Variants in PDE8A observed in about 807,000 individuals in gnomAD.
PDE8A encodes the protein phosphodiesterase 8A, also known as high affinity cAMP-specific and IBMX-insensitive 3',5'-cyclic phosphodiesterase 8A.
Under a neutral mutation model 105.0 loss-of-function variants are expected in PDE8A, and 59 were observed. That is an observed-to-expected ratio of 0.56 (90% CI 0.46 to 0.70). The LOEUF (loss-of-function observed/expected upper bound fraction) is 0.70, where lower values mean the gene tolerates loss of function less well. PDE8A is among the 30% of genes least tolerant of loss of function. PDE8A has a pLI of 0.00. For synonymous variants in PDE8A, 355 were observed against 371.9 expected (o/e 0.95, Z 0.52); for missense variants, 1,014 against 1,045.9 (o/e 0.97, Z 0.42).
chr15:85,135,820 A>C (rs953867754), intron 20 of PDE8A, among the ~76,000 whole-genome samples: 1 of 151,892 alleles, frequency 6.6e-6, no homozygotes, highest in Admixed American at 6.6e-5. Context: ...AATCCTGAAG[A>C]TGTGGAAGAG....
At chr15:85,016,950 CTT>C (rs769768560) in intron 1 of PDE8A, among the ~76,000 whole-genome samples, 8 of 141,410 alleles carry the variant, frequency 5.7e-5, no homozygotes, top group Admixed American at 1.4e-4. Flanking sequence ...CTGAATTTCC[CTT>C]TTTTTTTTTT....
intron 1 of PDE8A, among the ~76,000 whole-genome samples, chr15:85,021,866 G>A (rs2141355414): frequency 6.6e-6 from 1 of 152,306 alleles, no homozygotes; most frequent in Admixed American, 6.5e-5. Context: ...ACCACAAAAG[G>A]GAGGTTGCGT....
chr15:85,094,603 C>A, intron 8 of PDE8A, among the ~76,000 whole-genome samples: 1 of 152,196 alleles, frequency 6.6e-6, no homozygotes, highest in East Asian at 1.9e-4. Flanking sequence ...TCTTCCAAAT[C>A]CTGCTGTCTC....
chr15:85,121,646 A>G (rs2082184514), intron 18 of PDE8A, among the ~76,000 whole-genome samples: 1 of 151,290 alleles, frequency 6.6e-6, no homozygotes, highest in African/African-American at 2.4e-5. Context: ...TAATAATAAC[A>G]TGTACAGTGG....
At position 85,126,220 on chromosome 15, in the gene PDE8A, A is replaced by G. The variant is rs1348360272; in HGVS notation, c.2099A>G (p.Asn700Ser). Residue 700 changes from asparagine (N) to serine (S), a missense_variant, in exon 20 of 22, where the codon AAC (asparagine) becomes AGC (serine). Physicochemically the swap from Asn to Ser is conservative, Grantham distance 46. Coordinates refer to ENST00000394553, the MANE Select transcript of PDE8A (RefSeq NM_002605.3). ...TLEENGETDK[N>S]QEVINTMLRT... ...CTCATGTTTCAGGAAACTGATAAAA[A>G]CCAGGAAGTGATAAACACTATGCTT... 1 of 1,604,368 alleles carries G rather than the reference A, an allele frequency of 6.2e-7. No homozygotes were observed. Among genetic ancestry groups the G allele is most frequent in the Admixed American group, 1.7e-5 (1 of 57,972 alleles).
intron 2 of PDE8A, among the ~76,000 whole-genome samples, chr15:85,065,554 T>C (rs1054010742): frequency 3.9e-5 from 6 of 152,098 alleles, no homozygotes; most frequent in Non-Finnish European, 8.8e-5. Context: ...CATGAACATG[T>C]TTCATTCACT....
intron 3 of PDE8A, among the ~76,000 whole-genome samples, chr15:85,069,472 G>A (rs189399157): frequency 6.6e-6 from 1 of 152,230 alleles, no homozygotes; most frequent in East Asian, 1.9e-4. Flanking sequence ...TCCAACACTG[G>A]AGGACAGGAA....
chr15:85,040,686 G>A (rs1190385683), intron 1 of PDE8A, among the ~76,000 whole-genome samples: 3 of 150,628 alleles, frequency 2.0e-5, no homozygotes, highest in Admixed American at 6.7e-5. Context: ...TCAGCCTCCT[G>A]AGTAGTTGGG....
Position 84,981,864 on chromosome 15 carries a change from G to A in PDE8A, c.-299G>A, listed in dbSNP as rs1226011377. 4.9e-6 allele frequency: 1 copy of A among 203,394 alleles called. No individual in the cohort carries two copies. Among genetic ancestry groups the A allele is most frequent in the East Asian group, 1.2e-4 (1 of 8,462 alleles). The allele number at this position is 203,394 out of a possible 1,614,324, so 12.6% of individuals were successfully genotyped here. A position where few individuals can be genotyped will look rare whatever the true frequency, so the allele number is the denominator to read the frequency against. Reference sequence around the variant, plus strand: ...CCTATTTCCCCGGAAGCGCGGCCGAGGCGAGCCCGGCGATGTGAGAGGCGG... The same window carrying A: ...CCTATTTCCCCGGAAGCGCGGCCGAAGCGAGCCCGGCGATGTGAGAGGCGG... On this transcript the variant is annotated 5_prime_UTR_variant, in exon 1 of 22. Coordinates refer to ENST00000394553, the MANE Select transcript of PDE8A (RefSeq NM_002605.3).
intron 12 of PDE8A, among the ~76,000 whole-genome samples, chr15:85,110,523 G>C (rs1486745322): frequency 6.6e-6 from 1 of 152,110 alleles, no homozygotes; most frequent in Non-Finnish European, 1.5e-5. Flanking sequence ...GCCTCTCCTT[G>C]TGCCTCATAG....
intron 11 of PDE8A, among the ~76,000 whole-genome samples, chr15:85,104,882 AG>A (rs2081924666): frequency 6.6e-6 from 1 of 152,172 alleles, no homozygotes; most frequent in Admixed American, 6.5e-5. Flanking sequence ...GGGAGCACTG[AG>A]GAGCAGGATG....
At chr15:85,117,366 G>A (rs1448224912) in intron 16 of PDE8A, among the ~76,000 whole-genome samples, 3 of 152,166 alleles carry the variant, frequency 2.0e-5, no homozygotes, top group Admixed American at 1.3e-4. Context: ...AGGACAGAAT[G>A]AGCAAACTCC....
Position 85,116,087 on chromosome 15 carries a change from T to C in PDE8A, c.1503T>C (p.Asp501=), listed in dbSNP as rs200205707. The change falls in exon 16 of 22, where the codon GAT becomes GAC. Residue 501 remains aspartate, a synonymous_variant. Coordinates refer to ENST00000394553, the MANE Select transcript of PDE8A (RefSeq NM_002605.3). ...AAAATGAGGAATACTGGGACTTTGA[T>C]ATTTTTGAACTGGAGGCTGCCACCC... is the stretch of plus-strand genomic sequence containing the variant. ...AMENEEYWDF[D]IFELEAATHN... is the part of the protein sequence containing the mutation. The C allele has an allele frequency of 1.9e-5, 31 of 1,614,138 alleles. No individual in the cohort carries two copies. The highest frequency in any genetic ancestry group is 8.3e-5 in the Admixed American group (5 of 60,020).
chr15:85,013,069 T>C (rs1425843100), intron 1 of PDE8A, among the ~76,000 whole-genome samples: 3 of 152,184 alleles, frequency 2.0e-5, no homozygotes, highest in Non-Finnish European at 4.4e-5. Context: ...TTTTCTTTCT[T>C]CATCAATTTC....
intron 1 of PDE8A, among the ~76,000 whole-genome samples, chr15:85,030,662 T>A (rs2080599488): frequency 1.3e-5 from 2 of 152,064 alleles, no homozygotes; most frequent in South Asian, 4.1e-4. Flanking sequence ...ACTTAGTCAT[T>A]TACTATTCCT....
At chr15:85,032,637 T>C (rs902069536) in intron 1 of PDE8A, among the ~76,000 whole-genome samples, 4 of 152,186 alleles carry the variant, frequency 2.6e-5, no homozygotes, top group Non-Finnish European at 5.9e-5. Context: ...CAGTGTCTTA[T>C]GATACTCTTA....
intron 4 of PDE8A, among the ~76,000 whole-genome samples, chr15:85,076,285 A>G (rs774764859): frequency 6.6e-6 from 1 of 152,154 alleles, no homozygotes; most frequent in Non-Finnish European, 1.5e-5. Flanking sequence ...GAAAGAAGAG[A>G]AATATATTAG....
chr15:85,049,115 T>G (rs545013852), intron 1 of PDE8A, among the ~76,000 whole-genome samples: 143 of 152,090 alleles, frequency 9.4e-4, no homozygotes, highest in Non-Finnish European at 1.6e-3. Flanking sequence ...AAATAAAAAA[T>G]AAAATAAAAA....
chr15:85,061,096 A>C (rs1173441490), intron 1 of PDE8A, among the ~76,000 whole-genome samples: 1 of 152,050 alleles, frequency 6.6e-6, no homozygotes, highest in Non-Finnish European at 1.5e-5. Flanking sequence ...AGTTTTGCCA[A>C]ATATAGGATC....
Sources: allele counts gnomAD v4.1 joint callset (sites outside exome capture counted in the v4.1 genomes callset), GRCh38; gene constraint gnomAD v4.1.1; transcripts MANE v1.5; gene names NCBI Gene and HGNC (gene_info 2026-07-23, HGNC 2026-07-21).